The following OR1S1 variants were observed in gnomAD, a reference collection of about 807,000 sequenced individuals.
OR1S1 encodes olfactory receptor family 1 subfamily S member 1.
For synonymous variants in OR1S1, 156 were observed against 143.9 expected, an observed-to-expected ratio of 1.08 and a Z score of -0.60; for missense variants, 411 against 367.5, an observed-to-expected ratio of 1.12 and a Z score of -0.97.
chr11:58,213,627 A>G (rs577761494), intron 1 of OR1S1, among the ~76,000 whole-genome samples: 14 of 152,164 alleles, frequency 9.2e-5, no homozygotes, highest in African/African-American at 2.9e-4. Context: ...CTTCTTTTTC[A>G]GTTTTATCAG....
At chr11:58,215,391 G>T (rs748421748) in exon 2 of OR1S1, 1 of 1,613,934 alleles carries the variant, frequency 6.2e-7, no homozygotes. Flanking sequence ...TTTATTGTGG[G>T]TTTATCAGTT....
chr11:58,215,331 C>T, exon 2 of OR1S1: 2 of 1,613,698 alleles, frequency 1.2e-6, no homozygotes, highest in Non-Finnish European at 1.7e-6. Flanking sequence ...GACTTGGCCC[C>T]TCTGCTCAAA....
At chr11:58,215,057 A>G (rs370431755) in exon 2 of OR1S1, 31 of 1,614,000 alleles carry the variant, frequency 1.9e-5, no homozygotes, top group Non-Finnish European at 2.6e-5. Context: ...GAGTCAATCC[A>G]TCTCTTATGA....
chr11:58,215,053 A>G (rs757818384), exon 2 of OR1S1: 5 of 1,614,166 alleles, frequency 3.1e-6, no homozygotes, highest in South Asian at 1.1e-5. Flanking sequence ...CCAAGAGTCA[A>G]TCCATCTCTT....
intron 1 of OR1S1, among the ~76,000 whole-genome samples, chr11:58,214,177 G>C (rs986039216): frequency 7.2e-5 from 11 of 152,126 alleles, no homozygotes; most frequent in Non-Finnish European, 1.2e-4. Flanking sequence ...AGGCTAATAT[G>C]TAGCCACAGA....
At chr11:58,215,357 A>G in exon 2 of OR1S1, 1 of 1,613,684 alleles carries the variant, frequency 6.2e-7, no homozygotes, top group Non-Finnish European at 8.5e-7. Context: ...CTGTTCAGAT[A>G]CATTGATCAA....
At chr11:58,215,119 T>A (rs763931811) in exon 2 of OR1S1, 2 of 1,614,008 alleles carry the variant, frequency 1.2e-6, no homozygotes, top group Non-Finnish European at 1.7e-6. Flanking sequence ...TCATTGACAA[T>A]TTGCTCTTGG....
In OR1S1 at chr11:58,215,436, A is replaced by G. The variant is rs375219774; in HGVS notation, c.653A>G (p.Tyr218Cys). The G allele has an allele frequency of 5.6e-6, 9 of 1,613,942 alleles. No homozygotes were observed. Among genetic ancestry groups the G allele is most frequent in the East Asian group, 2.2e-5 (1 of 44,890 alleles). ...CCCTTTACACTCAGCTTCTTTTCCT[A>G]TGTCTGCATCATCAGAGCTGTCCTG... is the stretch of plus-strand genomic sequence containing the variant. The change falls in exon 2 of 2, where the codon TAT (tyrosine) becomes TGT (cysteine). Residue 218 changes from tyrosine (Y) to cysteine (C), a missense_variant. Transcript: ENST00000641544.
intron 1 of OR1S1, 29 bp from the exon 2 acceptor site, chr11:58,214,700 A>G (rs1852896311): frequency 1.3e-6 from 2 of 1,570,932 alleles, no homozygotes; most frequent in East Asian, 2.2e-5. Context: ...ACTTACTGCA[A>G]TGGCTGCAGC....
exon 2 of OR1S1, chr11:58,214,870 G>C (rs747756734): frequency 2.1e-5 from 34 of 1,613,940 alleles, no homozygotes; most frequent in Non-Finnish European, 2.7e-5. Context: ...TCCTCTTTGT[G>C]CTTTTCTTGG....
exon 2 of OR1S1, chr11:58,214,912 G>A: frequency 1.2e-6 from 2 of 1,614,000 alleles, no homozygotes; most frequent in Non-Finnish European, 1.7e-6. Flanking sequence ...TTGGGAACGG[G>A]CTCATCATTG....
intron 1 of OR1S1, among the ~76,000 whole-genome samples, chr11:58,213,472 C>T (rs1565107878): frequency 6.6e-6 from 1 of 152,166 alleles, no homozygotes; most frequent in Admixed American, 6.5e-5. Context: ...ATGGGTCCTC[C>T]CTTGTGAGCT....
intron 1 of OR1S1, among the ~76,000 whole-genome samples, chr11:58,213,198 T>A (rs770238167): frequency 1.3e-5 from 2 of 152,178 alleles, no homozygotes; most frequent in Non-Finnish European, 2.9e-5. Flanking sequence ...ATGTTGGAGA[T>A]AGGTAGAAGA....
chr11:58,213,917 A>G (rs915152029), intron 1 of OR1S1, among the ~76,000 whole-genome samples: 13 of 152,066 alleles, frequency 8.5e-5, no homozygotes, highest in Admixed American at 2.0e-4. Flanking sequence ...CTGTTTCTGG[A>G]TTGGAATCTC....
chr11:58,215,655 G>A (rs139719647), exon 2 of OR1S1: 1 of 1,613,878 alleles, frequency 6.2e-7, no homozygotes, highest in African/African-American at 1.3e-5. Context: ...TTCATCTACA[G>A]CTTGAGGAAT....
chr11:58,215,003 A>T, exon 2 of OR1S1: 1 of 1,614,030 alleles, frequency 6.2e-7, no homozygotes, highest in African/African-American at 1.3e-5. Flanking sequence ...TATTTCCTCC[A>T]TTTCCAACTC....
At position 58,215,204 on chromosome 11, in the gene OR1S1, G is replaced by A. The variant is rs117920455; in HGVS notation, c.421G>A (p.Gly141Ser). 1.2e-3 allele frequency: 1,877 copies of A among 1,614,018 alleles called. 2 individuals are homozygous for A. Among genetic ancestry groups the A allele is most frequent in the Non-Finnish European group, 1.5e-3 (1,749 of 1,179,998 alleles). ...TACAATTCTCATGCGGCCCAGGTTC[G>A]GCATTTTGCTCACAGTCATCTCATG... The change falls in exon 2 of 2, where the codon GGC becomes AGC. Residue 141 changes from glycine to serine, a missense_variant. Physicochemically the swap from Gly to Ser is moderately conservative, Grantham distance 56 (BLOSUM62 0). Coordinates refer to ENST00000641544, the Ensembl canonical transcript of OR1S1.
exon 2 of OR1S1, chr11:58,216,079 A>G: frequency 1.4e-5 from 3 of 212,362 alleles, no homozygotes; most frequent in Non-Finnish European, 1.9e-5. Flanking sequence ...GGGGGACTAT[A>G]GTAAACCATA....
chr11:58,215,417 A>G lies in OR1S1; in HGVS notation c.634A>G (p.Thr212Ala), dbSNP rs559413431. The G allele has an allele frequency of 4.0e-4, 638 of 1,613,692 alleles. 3 individuals carry two copies. The African/African-American group carries it at 4.1e-3, about 10-fold the overall frequency. ...TTTATCAGTTATCATCTTCCCCTTTACACTCAGCTTCTTTTCCTATGTCTG... is the reference window on the plus strand; with the variant it reads ...TTTATCAGTTATCATCTTCCCCTTTGCACTCAGCTTCTTTTCCTATGTCTG... Residue 212 changes from threonine (T) to alanine (A), a missense_variant, in exon 2 of 2, where the codon ACA becomes GCA. Physicochemically the swap from Thr to Ala is moderately conservative, Grantham distance 58 (BLOSUM62 0). Transcript: ENST00000641544.
Sources: gnomAD v4.1 joint callset for allele counts (sites outside exome capture counted in the v4.1 genomes callset) on GRCh38, gnomAD v4.1.1 for gene constraint, MANE v1.5 for transcripts, NCBI Gene and HGNC (gene_info 2026-07-23, HGNC 2026-07-21) for gene names.